NBEA: variants seen among roughly 807,000 people sequenced by gnomAD.
NBEA encodes lysosomal-trafficking regulator 2.
Under a neutral mutation model 343.4 loss-of-function variants are expected in NBEA, and 44 were observed. The observed-to-expected ratio is 0.13, with a 90% CI of 0.10 to 0.16. The LOEUF is 0.16. Ranked by LOEUF, NBEA falls within the 10% of genes least tolerant of loss-of-function variation. The probability of loss-of-function intolerance (pLI) is 1.00; values close to 1 mark genes in which losing one functional copy is unlikely to be tolerated. For synonymous variants in NBEA, 1,175 were observed against 1,238.7 expected, an observed-to-expected ratio of 0.95 and a Z score of 1.08; for missense variants, 2,555 against 3,631.3, an observed-to-expected ratio of 0.70 and a Z score of 7.62.
chr13:35,240,641 A>G (rs2030090630), intron 34 of NBEA, among the ~76,000 whole-genome samples: 1 of 151,576 alleles, frequency 6.6e-6, no homozygotes, highest in South Asian at 2.1e-4. Flanking sequence ...AAGAACCTGT[A>G]GCTTAAAAGA....
At position 35,117,414 on chromosome 13, in the gene NBEA, A is replaced by G. The variant is rs2066554450; in HGVS notation, c.2003A>G (p.Asp668Gly). 4 of 1,340,690 alleles carry G rather than the reference A, an allele frequency of 3.0e-6. No homozygotes were observed. The highest frequency in any genetic ancestry group is 3.9e-6 in the Non-Finnish European group (4 of 1,036,472). The allele number at this position is 1,340,690 out of a possible 1,614,324, so 83.0% of individuals were successfully genotyped here. ...TACTTTTTTTTCTGTTTTGTTCTAGATGGTCCCCGGCCATCACAAAAAGAA... is the reference window on the plus strand; with the variant it reads ...TACTTTTTTTTCTGTTTTGTTCTAGGTGGTCCCCGGCCATCACAAAAAGAA... ...DSSGITPKGL[D>G]GPRPSQKEII... The change falls in exon 14 of 59, where the codon GAT becomes GGT. Residue 668 changes from aspartate to glycine, a missense_variant and splice_region_variant. Around this residue, in one of 21 missense-constraint regions of NBEA, gnomAD observed 360 missense variants for 519.1 expected, o/e 0.69. Transcript: ENST00000379939.
At chr13:35,180,350 A>G (rs2071225210) in intron 28 of NBEA, among the ~76,000 whole-genome samples, 1 of 151,800 alleles carries the variant, frequency 6.6e-6, no homozygotes, top group Non-Finnish European at 1.5e-5. Context: ...TAGAGGTCAT[A>G]TAATTTAGAC....
In NBEA at chr13:35,151,334, G is replaced by A. The variant is rs145013031; in HGVS notation, c.2446-4440G>A. On this transcript the variant is annotated intron_variant, in intron 18 of 58. Transcript: ENST00000379939. ...CGAGGTGGGTGGATCAACTGAGGTT[G>A]GGAGTTCGAGACCAGCCTGACCAAC... is the stretch of plus-strand genomic sequence containing the variant. Among the ~76,000 whole-genome samples, 980 of 151,636 alleles carry A rather than the reference G, an allele frequency of 6.5e-3. 11 individuals are homozygous for A. Among genetic ancestry groups the A allele is most frequent in the African/African-American group, 0.023 (939 of 41,388 alleles).
At chr13:35,310,642 C>G (rs2037299651) in intron 36 of NBEA, among the ~76,000 whole-genome samples, 2 of 152,140 alleles carry the variant, frequency 1.3e-5, no homozygotes, top group Non-Finnish European at 2.9e-5. Flanking sequence ...ACGTAGCTGT[C>G]ACCATGTGAC....
chr13:35,452,806 A>G (rs563467545), intron 40 of NBEA, among the ~76,000 whole-genome samples: 17 of 152,310 alleles, frequency 1.1e-4, no homozygotes, highest in Middle Eastern at 6.8e-3. Flanking sequence ...GATGGGGTAT[A>G]GATATCTTAG....
intron 43 of NBEA, among the ~76,000 whole-genome samples, chr13:35,552,911 G>A (rs1031200770): frequency 1.3e-5 from 2 of 150,632 alleles, no homozygotes; most frequent in African/African-American, 2.4e-5. Flanking sequence ...TTTTCTTTGA[G>A]ACAAGGTCTC....
intron 42 of NBEA, 88 bp downstream of exon 42, chr13:35,550,682 A>G (rs1361754131): frequency 2.4e-6 from 2 of 821,092 alleles, no homozygotes; most frequent in African/African-American, 1.7e-5. Context: ...GATTTTTCCT[A>G]CTGTATTTCT....
intron 10 of NBEA, among the ~76,000 whole-genome samples, chr13:35,079,362 A>G (rs1267941407): frequency 6.6e-6 from 1 of 152,208 alleles, no homozygotes; most frequent in Admixed American, 6.5e-5. Flanking sequence ...AATACGGAAA[A>G]CAAGGGAATG....
At chr13:35,430,606 T>C (rs963550991) in intron 38 of NBEA, among the ~76,000 whole-genome samples, 2 of 152,178 alleles carry the variant, frequency 1.3e-5, no homozygotes, top group Admixed American at 6.5e-5. Flanking sequence ...TATGTTTGTT[T>C]TACATACTCT....
chr13:35,416,946 C>T (rs1183011857), intron 38 of NBEA, among the ~76,000 whole-genome samples: 1 of 152,104 alleles, frequency 6.6e-6, no homozygotes, highest in African/African-American at 2.4e-5. Context: ...GATTGAACTT[C>T]TTCCTGGTTT....
intron 1 of NBEA, among the ~76,000 whole-genome samples, chr13:34,945,777 C>A (rs2059168551): frequency 6.6e-6 from 1 of 151,906 alleles, no homozygotes; most frequent in Non-Finnish European, 1.5e-5. Flanking sequence ...TTTTTTCTTC[C>A]TATGTAAGGA....
At chr13:35,476,908 A>C in intron 41 of NBEA, 10 of 708,970 alleles carry the variant, frequency 1.4e-5, no homozygotes, top group Non-Finnish European at 1.4e-5. Flanking sequence ...GGAATCTCTC[A>C]GCTTTGGTAT....
At chr13:35,512,690 T>C (rs2152987464) in intron 41 of NBEA, among the ~76,000 whole-genome samples, 1 of 152,352 alleles carries the variant, frequency 6.6e-6, no homozygotes, top group Admixed American at 6.5e-5. Context: ...CAGTTCTTTC[T>C]GCATTTCCTT....
chr13:35,011,941 A>G (rs2061504668), intron 1 of NBEA, among the ~76,000 whole-genome samples: 1 of 152,242 alleles, frequency 6.6e-6, no homozygotes, highest in Non-Finnish European at 1.5e-5. Context: ...ATTTAGCAGT[A>G]TTAATCACTT....
At chr13:35,588,238 A>G (rs947837611) in intron 46 of NBEA, among the ~76,000 whole-genome samples, 2 of 152,134 alleles carry the variant, frequency 1.3e-5, no homozygotes, top group African/African-American at 4.8e-5. Flanking sequence ...TTGGAGACTC[A>G]GCCCAAATAT....
At position 35,356,298 on chromosome 13, in the gene NBEA, A is replaced by G. The variant is rs186259608; in HGVS notation, c.6179+3975A>G. Reference sequence around the variant, plus strand: ...GTTCACAAATCCAGTAACATTTTACATAGAAAAGTTTATATATTCTAACTG... The same window carrying G: ...GTTCACAAATCCAGTAACATTTTACGTAGAAAAGTTTATATATTCTAACTG... On this transcript the variant is annotated intron_variant, in intron 38 of 58. Transcript: ENST00000379939. Among the ~76,000 whole-genome samples, 12 of 152,324 alleles carry G rather than the reference A, an allele frequency of 7.9e-5. No homozygotes were observed. In the East Asian group the frequency reaches 1.9e-3, roughly 24 times the overall value.
chr13:35,590,743 G>A (rs2081499566), intron 46 of NBEA, among the ~76,000 whole-genome samples: 1 of 152,058 alleles, frequency 6.6e-6, no homozygotes, highest in East Asian at 1.9e-4. Flanking sequence ...TACCTACAGT[G>A]AAAATTAAAT....
chr13:35,338,311 A>C lies in NBEA; in HGVS notation c.5904-10797A>C, dbSNP rs1473579825. ...ATGAAAGAAAAAAGATTATAAGGGAATACTTACTATAAACCATTGTGTCAA... is the reference window on the plus strand; with the variant it reads ...ATGAAAGAAAAAAGATTATAAGGGACTACTTACTATAAACCATTGTGTCAA... On this transcript the variant is annotated intron_variant, in intron 36 of 58. Coordinates refer to ENST00000379939, the MANE Select transcript of NBEA (RefSeq NM_001385012.1). 1.3e-4 allele frequency among the ~76,000 whole-genome samples: 19 copies of C among 151,994 alleles called. 1 individual carries two copies. Among genetic ancestry groups the C allele is most frequent in the Admixed American group, 1.2e-3 (18 of 15,206 alleles).
At chr13:35,253,093 T>A (rs1295863089) in intron 34 of NBEA, among the ~76,000 whole-genome samples, 1 of 152,174 alleles carries the variant, frequency 6.6e-6, no homozygotes, top group African/African-American at 2.4e-5. Flanking sequence ...GTGCCTGTGC[T>A]TTGAAGGAAA....
Sources: gnomAD v4.1 joint callset for allele counts (sites outside exome capture counted in the v4.1 genomes callset) on GRCh38, gnomAD v4.1.1 for gene constraint, gnomAD v4.1.1 regional missense constraint, MANE v1.5 for transcripts, NCBI Gene and HGNC (gene_info 2026-07-23, HGNC 2026-07-21) for gene names.